The following MINPP1 variants were observed in gnomAD, a reference collection of about 807,000 sequenced individuals.
MINPP1 encodes the protein multiple inositol-polyphosphate phosphatase 1.
MINPP1 carries 28 observed loss-of-function variants against 46.1 expected under a neutral mutation model. The ratio of observed to expected loss-of-function variants is 0.61; its 90% CI spans 0.45 to 0.83. MINPP1 has a LOEUF of 0.83. MINPP1 is among the 40% of genes least tolerant of loss of function. The pLI is 0.00. For synonymous variants in MINPP1, 268 were observed against 249.1 expected (o/e 1.08, Z -0.72); for missense variants, 603 against 610.0 (o/e 0.99, Z 0.12).
intron 1 of MINPP1, among the ~76,000 whole-genome samples, chr10:87,507,547 T>C (rs1160146425): frequency 1.3e-5 from 2 of 152,296 alleles, no homozygotes; most frequent in East Asian, 3.9e-4. Flanking sequence ...TTCAATTTTC[T>C]CATATTTTAT....
chr10:87,506,284 C>G (rs1347302394), intron 1 of MINPP1, among the ~76,000 whole-genome samples: 1 of 152,018 alleles, frequency 6.6e-6, no homozygotes, highest in Non-Finnish European at 1.5e-5. Context: ...AACCCGAGCC[C>G]AAGAGTATGC....
chr10:87,515,550 G>A (rs1056976042), intron 3 of MINPP1, among the ~76,000 whole-genome samples: 2 of 152,062 alleles, frequency 1.3e-5, no homozygotes, highest in Admixed American at 6.5e-5. Context: ...TTTGATTGAG[G>A]TATTTTCTAT....
chr10:87,552,526 T>C lies in MINPP1; in HGVS notation c.*48T>C. The C allele has an allele frequency of 6.4e-7, 1 of 1,570,564 alleles. No homozygotes were observed. On this transcript the variant is annotated 3_prime_UTR_variant, in exon 5 of 5. Transcript: ENST00000371996. The stretch of plus-strand genomic sequence containing the variant: ...TCTTTAGGAATCTGCAATGAGTGAT[T>C]ACATGCTTGTAATAGGTAGGCAATT...
At chr10:87,508,008 T>G in intron 1 of MINPP1, 1 of 1,400,626 alleles carries the variant, frequency 7.1e-7, no homozygotes, top group Non-Finnish European at 9.2e-7. Context: ...ACTTTGCTGA[T>G]TTTTAGTTTG....
chr10:87,515,927 C>G (rs1045628155), intron 3 of MINPP1, among the ~76,000 whole-genome samples: 24 of 147,972 alleles, frequency 1.6e-4, no homozygotes, highest in Admixed American at 3.4e-4. Flanking sequence ...CTCTTGCGTT[C>G]AAGCAGTCCT....
Position 87,530,214 on chromosome 10 carries a change from G to A in MINPP1, c.1067+9045G>A, listed in dbSNP as rs962000497. On this transcript the variant is annotated intron_variant, in intron 4 of 4. Transcript: ENST00000371996. ...GTCTGAAGCCTTCTTCTCTCAACTC[G>A]TCAAAGTCATTCTCCGTCCAGCTTT... is the stretch of plus-strand genomic sequence containing the variant. Among the ~76,000 whole-genome samples the A allele has an allele frequency of 1.1e-4, 16 of 152,264 alleles. No individual in the cohort carries two copies. In the East Asian group the frequency reaches 1.7e-3, roughly 17 times the overall value.
chr10:87,519,214 C>G (rs2131812705), intron 3 of MINPP1, among the ~76,000 whole-genome samples: 1 of 152,274 alleles, frequency 6.6e-6, no homozygotes, highest in South Asian at 2.1e-4. Flanking sequence ...AGGTCAGCCC[C>G]TGGTTTTCGA....
intron 3 of MINPP1, among the ~76,000 whole-genome samples, chr10:87,515,232 A>G (rs1389472435): frequency 6.6e-6 from 1 of 151,870 alleles, no homozygotes; most frequent in East Asian, 2.0e-4. Context: ...ACTAAAAATT[A>G]AAAAATTAGC....
intron 4 of MINPP1, among the ~76,000 whole-genome samples, chr10:87,524,222 C>T (rs977182112): frequency 6.6e-6 from 1 of 152,230 alleles, no homozygotes; most frequent in African/African-American, 2.4e-5. Flanking sequence ...TACATCAGGA[C>T]TTGCTGCTTC....
At chr10:87,540,862 G>GA (rs1474015144) in intron 4 of MINPP1, among the ~76,000 whole-genome samples, 1 of 152,178 alleles carries the variant, frequency 6.6e-6, no homozygotes, top group Non-Finnish European at 1.5e-5. Flanking sequence ...ATAGAAATTA[G>GA]TGATTTACTT....
Position 87,505,029 on chromosome 10 carries a change from G to A in MINPP1, c.114G>A (p.Pro38=), listed in dbSNP as rs149262703. ...GCTCTCTTCTAGAGCCGAGGGACCC[G>A]GTGGCCTCGTCGCTCAGCCCCTATT... The part of the protein sequence containing the change: ...ARCSLLEPRD[P]VASSLSPYFG... Residue 38 remains proline, a synonymous_variant, in exon 1 of 5, where the codon CCG becomes CCA. Coordinates refer to ENST00000371996, the MANE Select transcript of MINPP1 (RefSeq NM_004897.5). This position sits in a 1 kb window ranked among gnomAD's most constrained non-coding sequence, Gnocchi z 4.4. 12 of 1,613,042 alleles carry A rather than the reference G, an allele frequency of 7.4e-6. No homozygotes were observed. Among genetic ancestry groups the A allele is most frequent in the South Asian group, 1.1e-5 (1 of 91,066 alleles).
At chr10:87,545,723 GCATGAAATAGATCA>G (rs57289958) in intron 4 of MINPP1, among the ~76,000 whole-genome samples, 1 of 142,204 alleles carries the variant, frequency 7.0e-6, no homozygotes, top group Non-Finnish European at 1.6e-5. Flanking sequence ...TGTGTAAGAA[GCATGAAATAGATCA>G]CATCGAGTCT....
chr10:87,535,563 A>T (rs940218879), intron 4 of MINPP1, among the ~76,000 whole-genome samples: 1 of 151,598 alleles, frequency 6.6e-6, no homozygotes, highest in Non-Finnish European at 1.5e-5. Context: ...AGTGTTGGGA[A>T]ATAAGCTGTT....
At chr10:87,547,630 A>G (rs1851906610) in intron 4 of MINPP1, among the ~76,000 whole-genome samples, 1 of 152,196 alleles carries the variant, frequency 6.6e-6, no homozygotes, top group Non-Finnish European at 1.5e-5. Context: ...GATGAATTTT[A>G]ACATATGCTA....
chr10:87,541,825 C>T (rs1043300339), intron 4 of MINPP1, among the ~76,000 whole-genome samples: 6 of 152,176 alleles, frequency 3.9e-5, no homozygotes, highest in African/African-American at 1.4e-4. Flanking sequence ...TGAGCAAGAA[C>T]TGACTTGTCA....
At chr10:87,514,118 A>AT (rs1385740449) in intron 3 of MINPP1, among the ~76,000 whole-genome samples, 1 of 152,126 alleles carries the variant, frequency 6.6e-6, no homozygotes, top group Non-Finnish European at 1.5e-5. Context: ...ACACTGGCAG[A>AT]TTCCCTTTTA....
At chr10:87,535,663 C>T (rs1411745133) in intron 4 of MINPP1, among the ~76,000 whole-genome samples, 2 of 151,880 alleles carry the variant, frequency 1.3e-5, no homozygotes, top group East Asian at 1.9e-4. Flanking sequence ...CGTGGTGGCT[C>T]AGACCTGTAA....
chr10:87,523,610 G>A (rs12259852), intron 4 of MINPP1, among the ~76,000 whole-genome samples: 13,992 of 150,504 alleles, frequency 0.093, 1,211 homozygotes, highest in African/African-American at 0.23. Flanking sequence ...CGCCTGCCTC[G>A]GCCTCCCAAG....
chr10:87,507,672 A>G (rs1353985878), intron 1 of MINPP1, among the ~76,000 whole-genome samples: 1 of 152,218 alleles, frequency 6.6e-6, no homozygotes, highest in Admixed American at 6.5e-5. Context: ...CAGTAGTTGA[A>G]GCATGATTAT....
Sources: gnomAD v4.1 joint callset for allele counts (sites outside exome capture counted in the v4.1 genomes callset) on GRCh38, gnomAD v4.1.1 for gene constraint, Gnocchi (gnomAD v3.1) non-coding constraint, MANE v1.5 for transcripts, NCBI Gene and HGNC (gene_info 2026-07-23, HGNC 2026-07-21) for gene names.